RIMBP2: variants seen among roughly 807,000 people sequenced by gnomAD.
RIMBP2 encodes the protein RIMS binding protein 2.
In RIMBP2, 48 loss-of-function variants were observed where a neutral mutation model predicts 118.6. That is an observed-to-expected ratio of 0.40 (90% CI 0.32 to 0.51). The LOEUF (loss-of-function observed/expected upper bound fraction) is 0.51, where lower values mean the gene tolerates loss of function less well. Ranked by LOEUF, RIMBP2 falls within the 20% of genes least tolerant of loss-of-function variation. The probability of loss-of-function intolerance (pLI) is 0.41; values close to 1 mark genes in which losing one functional copy is unlikely to be tolerated. For missense variants in RIMBP2, 1,551 were observed against 1,768.3 expected (o/e 0.88, Z 2.20); for synonymous variants, 762 against 742.9 (o/e 1.03, Z -0.42).
At chr12:130,615,658 T>C (rs559588360) in intron 2 of RIMBP2, among the ~76,000 whole-genome samples, 29 of 152,134 alleles carry the variant, frequency 1.9e-4, no homozygotes, top group Non-Finnish European at 4.0e-4. Flanking sequence ...GGCCTAGCTG[T>C]GGGGATACAG....
chr12:130,414,422 T>G, intron 17 of RIMBP2, 116 bp from the exon 18 acceptor site: 1 of 1,021,926 alleles, frequency 9.8e-7, no homozygotes, highest in Non-Finnish European at 1.4e-6. Flanking sequence ...ACTTTTGTCT[T>G]TTTTGTGTCT....
Position 130,456,505 on chromosome 12 carries a change from G to T in RIMBP2, c.349C>A (p.Leu117Ile). Residue 117 changes from leucine to isoleucine, a missense_variant, in exon 7 of 23, where the codon CTC (leucine) becomes ATC (isoleucine). This residue lies in a region of RIMBP2 where 239 missense variants were observed against 256.8 expected (regional missense o/e 0.93). Transcript: ENST00000690449. ...PQFMNGLATS[L>I]GKGQESAIGG... ...AGGTCCAGGCGCTTACCTTTGCCGA[G>T]GGAGGTGGCTAGGCCATTCATGAAC... The T allele has an allele frequency of 6.3e-7, 1 of 1,587,880 alleles. No individual in the cohort carries two copies. The highest frequency in any genetic ancestry group is 8.6e-7 in the Non-Finnish European group (1 of 1,161,660).
chr12:130,399,777 T>G lies in RIMBP2; in HGVS notation c.3802A>C (p.Asn1268His). The change falls in exon 22 of 23, where the codon AAC (asparagine) becomes CAC (histidine). Residue 1268 changes from asparagine (N) to histidine (H), a missense_variant. Physicochemically the swap from Asn to His is moderately conservative, Grantham distance 68 (BLOSUM62 1). This residue lies in a region of RIMBP2 where 1,038 missense variants were observed against 1,125.1 expected (regional missense o/e 0.92). Transcript: ENST00000690449. ...LNGQKGLVPS[N>H]FLEEVPDDVE... ...TCATCAGGCACTTCTTCCAAGAAGTTTGAGGGCACAAGGCCTTTCTGCCCA... is the reference window on the plus strand; with the variant it reads ...TCATCAGGCACTTCTTCCAAGAAGTGTGAGGGCACAAGGCCTTTCTGCCCA... The G allele has an allele frequency of 6.2e-7, 1 of 1,614,174 alleles. No homozygotes were observed. The highest frequency in any genetic ancestry group is 8.5e-7 in the Non-Finnish European group (1 of 1,180,010).
chr12:130,675,139 A>G (rs1195517144), intron 1 of RIMBP2, among the ~76,000 whole-genome samples: 1 of 152,214 alleles, frequency 6.6e-6, no homozygotes, highest in Non-Finnish European at 1.5e-5. Context: ...GTTGTCCCGA[A>G]GGACCTGTTG....
chr12:130,645,992 C>A (rs934742582), intron 1 of RIMBP2, among the ~76,000 whole-genome samples: 1 of 152,066 alleles, frequency 6.6e-6, no homozygotes, highest in African/African-American at 2.4e-5. Context: ...CAGGGAACAA[C>A]ACTTTGCGTT....
chr12:130,563,419 G>C (rs1025295675), intron 2 of RIMBP2, among the ~76,000 whole-genome samples: 15 of 152,334 alleles, frequency 9.8e-5, no homozygotes, highest in East Asian at 7.7e-4. Flanking sequence ...GAAAGTCAAT[G>C]GGGTTGAATT....
rs1419664090 is a variant in RIMBP2, at chr12:130,475,886, C to A, written c.102+3026G>T. ...GAGGGGAGTTCTGTGTGGGACGTGGCGTCCGAGGCCCCCCAAGCAGTGGTG... is the reference window on the plus strand; with the variant it reads ...GAGGGGAGTTCTGTGTGGGACGTGGAGTCCGAGGCCCCCCAAGCAGTGGTG... On this transcript the variant is annotated intron_variant, in intron 5 of 22. Transcript: ENST00000690449. This position sits in a 1 kb window ranked among gnomAD's most constrained non-coding sequence, Gnocchi z 4.1. 6.6e-6 allele frequency among the ~76,000 whole-genome samples: 1 copy of A among 151,890 alleles called. No individual in the cohort carries two copies. Among genetic ancestry groups the A allele is most frequent in the Non-Finnish European group, 1.5e-5 (1 of 67,976 alleles).
intron 2 of RIMBP2, among the ~76,000 whole-genome samples, chr12:130,591,151 TAGG>T (rs1263501789): frequency 1.3e-5 from 2 of 152,120 alleles, no homozygotes; most frequent in African/African-American, 4.8e-5. Context: ...CTTTAAAAAT[TAGG>T]AGGTTAATAG....
chr12:130,700,687 C>T (rs1056333431), intron 1 of RIMBP2, among the ~76,000 whole-genome samples: 1 of 152,226 alleles, frequency 6.6e-6, no homozygotes, highest in African/African-American at 2.4e-5. Context: ...GCCTGGATCT[C>T]AGACTTTCGC....
rs568609551 is a variant in RIMBP2 at position 130,659,013 on chromosome 12, C to T, written c.-351-30557G>A. On this transcript the variant is annotated intron_variant, in intron 1 of 22. Transcript: ENST00000690449. ...TCCTCCACCATGCCAGCCTCCCTCC[C>T]TCCACCATGCCAGCACAGGGACTCC... 2.0e-5 allele frequency among the ~76,000 whole-genome samples: 3 copies of T among 152,102 alleles called. No homozygotes were observed. In the South Asian group the frequency reaches 6.2e-4, roughly 32 times the overall value.
rs2062953010 is a variant in RIMBP2, at chr12:130,646,358, ACCACC to A, written c.-351-17907_-351-17903del. Reference sequence around the variant, plus strand: ...CACCACCTCCCTCACCACCTCCCTCACCACCTCCCTCACCACCTCCCTCACCACCT... The same window carrying A: ...CACCACCTCCCTCACCACCTCCCTCATCCCTCACCACCTCCCTCACCACCT... On this transcript the variant is annotated intron_variant, in intron 1 of 22. Coordinates refer to ENST00000690449, the MANE Select transcript of RIMBP2 (RefSeq NM_001393629.1). Among the ~76,000 whole-genome samples, 3 of 42,870 alleles carry A rather than the reference ACCACC, an allele frequency of 7.0e-5. 1 individual carries two copies. The highest frequency in any genetic ancestry group is 4.2e-4 in the Admixed American group (2 of 4,746). The allele number at this position is 42,870 out of a possible 152,430, so 28.1% of individuals were successfully genotyped here. A position where few individuals can be genotyped will look rare whatever the true frequency, so the allele number is the denominator to read the frequency against.
chr12:130,680,796 G>A lies in RIMBP2; in HGVS notation c.-352+35426C>T, dbSNP rs12372072. On this transcript the variant is annotated intron_variant, in intron 1 of 22. Coordinates refer to ENST00000690449, the MANE Select transcript of RIMBP2 (RefSeq NM_001393629.1). The stretch of plus-strand genomic sequence containing the variant: ...GGGCAGCCCGGCCCCGTGGCAGCGC[G>A]ACTGAGGCTGAGAGGCCCTGGGCTC... 8.6e-3 allele frequency among the ~76,000 whole-genome samples: 1,306 copies of A among 152,348 alleles called. 5 individuals carry two copies. Among genetic ancestry groups the A allele is most frequent in the Non-Finnish European group, 0.014 (966 of 68,024 alleles).
At chr12:130,460,796 C>T (rs369844000) in intron 6 of RIMBP2, among the ~76,000 whole-genome samples, 3 of 152,110 alleles carry the variant, frequency 2.0e-5, no homozygotes, top group East Asian at 3.9e-4. Context: ...ACATCCACCG[C>T]GTTCTGAGGG....
intron 21 of RIMBP2, among the ~76,000 whole-genome samples, chr12:130,400,383 C>T (rs2074414008): frequency 6.6e-6 from 1 of 152,210 alleles, no homozygotes; most frequent in South Asian, 2.1e-4. Context: ...CCTCCTCAGA[C>T]ATTACTGCTT....
intron 4 of RIMBP2, among the ~76,000 whole-genome samples, chr12:130,495,046 C>T (rs1176556344): frequency 1.3e-5 from 2 of 151,874 alleles, no homozygotes; most frequent in African/African-American, 2.4e-5. Flanking sequence ...GTCTCTGTGC[C>T]TCTTCTTCTT....
At chr12:130,707,742 C>T (rs1949601630) in intron 1 of RIMBP2, among the ~76,000 whole-genome samples, 1 of 152,052 alleles carries the variant, frequency 6.6e-6, no homozygotes, top group Admixed American at 6.6e-5. Flanking sequence ...GGCCCAGGGA[C>T]AAGACCAGGG....
intron 2 of RIMBP2, among the ~76,000 whole-genome samples, chr12:130,535,823 G>C (rs1566218803): frequency 6.7e-6 from 1 of 148,400 alleles, no homozygotes; most frequent in East Asian, 2.0e-4. Flanking sequence ...CTGTCACTCA[G>C]GCTGGAGTGC....
chr12:130,530,183 A>T (rs1488244799), intron 2 of RIMBP2, among the ~76,000 whole-genome samples: 1 of 152,196 alleles, frequency 6.6e-6, no homozygotes, highest in East Asian at 1.9e-4. Context: ...CTACCAATCA[A>T]CAACAATCTG....
intron 4 of RIMBP2, among the ~76,000 whole-genome samples, chr12:130,502,739 G>T (rs999325086): frequency 1.3e-4 from 20 of 152,142 alleles, no homozygotes; most frequent in African/African-American, 4.6e-4. Flanking sequence ...GAATGTTGAG[G>T]TCTATTTTGC....
Sources: gnomAD v4.1 joint callset for allele counts (sites outside exome capture counted in the v4.1 genomes callset) on GRCh38, gnomAD v4.1.1 for gene constraint, gnomAD v4.1.1 regional missense constraint, Gnocchi (gnomAD v3.1) non-coding constraint, MANE v1.5 for transcripts, NCBI Gene and HGNC (gene_info 2026-07-23, HGNC 2026-07-21) for gene names.